The following CSMD1 variants were observed in gnomAD, a reference collection of about 807,000 sequenced individuals.
CSMD1 encodes CUB and Sushi multiple domains 1.
In CSMD1, 213 loss-of-function variants were observed where a neutral mutation model predicts 417.5. The observed-to-expected ratio is 0.51, with a 90% confidence interval of 0.46 to 0.57. CSMD1 has a LOEUF of 0.57. CSMD1 is among the 20% of genes least tolerant of loss of function. CSMD1 has a pLI of 0.00. For missense variants in CSMD1, 6,923 were observed against 4,529.7 expected, an observed-to-expected ratio of 1.53 and a Z score of -15.17; for synonymous variants, 2,862 against 1,736.8, an observed-to-expected ratio of 1.65 and a Z score of -16.11.
intron 1 of CSMD1, among the ~76,000 whole-genome samples, chr8:4,974,893 A>G (rs928092206): frequency 3.9e-5 from 6 of 152,238 alleles, no homozygotes; most frequent in Non-Finnish European, 8.8e-5. Context: ...ACACAAAAAA[A>G]CTATGATGGT....
intron 1 of CSMD1, among the ~76,000 whole-genome samples, chr8:4,734,731 C>T (rs945518992): frequency 6.6e-6 from 1 of 152,156 alleles, no homozygotes; most frequent in Admixed American, 6.5e-5. Context: ...TTTTCATAGG[C>T]AAATAAATTA....
chr8:3,429,503 G>A (rs764464310), intron 12 of CSMD1, among the ~76,000 whole-genome samples: 29 of 152,238 alleles, frequency 1.9e-4, no homozygotes, highest in Non-Finnish European at 3.4e-4. Flanking sequence ...CGCCCCTGCA[G>A]GGAAAAAGGC....
intron 5 of CSMD1, among the ~76,000 whole-genome samples, chr8:3,833,201 A>G (rs770776859): frequency 1.9e-4 from 29 of 152,272 alleles, no homozygotes; most frequent in Admixed American, 5.9e-4. Context: ...AGAATTTTTA[A>G]TCAAGAATTT....
intron 5 of CSMD1, among the ~76,000 whole-genome samples, chr8:3,884,433 G>C (rs903328639): frequency 2.6e-5 from 4 of 152,164 alleles, no homozygotes; most frequent in Non-Finnish European, 4.4e-5. Flanking sequence ...GACACAGAAA[G>C]ACACCAGAGA....
chr8:4,650,628 A>G (rs1002117073), intron 1 of CSMD1, among the ~76,000 whole-genome samples: 1 of 151,554 alleles, frequency 6.6e-6, no homozygotes, highest in Admixed American at 6.6e-5. Context: ...AAAGGAAGTG[A>G]CAGCCTTTCG....
At chr8:4,389,428 C>T (rs1035079175) in intron 3 of CSMD1, among the ~76,000 whole-genome samples, 7 of 152,084 alleles carry the variant, frequency 4.6e-5, no homozygotes, top group African/African-American at 1.4e-4. Flanking sequence ...GAAAATCTCA[C>T]ATAAACAAAA....
At chr8:4,346,038 T>C (rs1387368081) in intron 3 of CSMD1, among the ~76,000 whole-genome samples, 4 of 152,174 alleles carry the variant, frequency 2.6e-5, no homozygotes, top group African/African-American at 9.6e-5. Flanking sequence ...CTTATTATCA[T>C]ATCCAGATTG....
intron 5 of CSMD1, among the ~76,000 whole-genome samples, chr8:3,766,360 T>C (rs892582128): frequency 3.3e-5 from 5 of 152,174 alleles, no homozygotes; most frequent in African/African-American, 1.2e-4. Flanking sequence ...TGGATCCAAG[T>C]CAGTGACCTG....
chr8:3,631,083 T>G (rs1302403434), intron 7 of CSMD1, among the ~76,000 whole-genome samples: 1 of 152,146 alleles, frequency 6.6e-6, no homozygotes, highest in Non-Finnish European at 1.5e-5. Flanking sequence ...TTCAGCCAGG[T>G]CTTCCTGTCA....
chr8:4,620,069 C>T (rs1801684642), intron 2 of CSMD1, among the ~76,000 whole-genome samples: 1 of 151,820 alleles, frequency 6.6e-6, no homozygotes, highest in Non-Finnish European at 1.5e-5. Flanking sequence ...TTTATTAACA[C>T]AATAAATACT....
intron 3 of CSMD1, among the ~76,000 whole-genome samples, chr8:4,071,664 G>C (rs1335258482): frequency 6.6e-6 from 1 of 152,080 alleles, no homozygotes; most frequent in Non-Finnish European, 1.5e-5. Context: ...GTGATTAGTT[G>C]TTGTTTCTGG....
intron 1 of CSMD1, among the ~76,000 whole-genome samples, chr8:4,919,995 C>G (rs1001859408): frequency 6.6e-6 from 1 of 152,190 alleles, no homozygotes; most frequent in African/African-American, 2.4e-5. Context: ...ATGAGAAATA[C>G]ATTTCTGTTC....
intron 14 of CSMD1, among the ~76,000 whole-genome samples, chr8:3,407,308 A>G (rs1231203453): frequency 2.0e-5 from 3 of 151,966 alleles, no homozygotes; most frequent in African/African-American, 7.2e-5. Flanking sequence ...GATAGACGGA[A>G]TAATGGATGA....
At chr8:3,070,377 A>C (rs1264358675) in intron 49 of CSMD1, among the ~76,000 whole-genome samples, 1 of 152,228 alleles carries the variant, frequency 6.6e-6, no homozygotes, top group Admixed American at 6.5e-5. Context: ...CTTCCTGCTT[A>C]AATGTAAATT....
intron 5 of CSMD1, among the ~76,000 whole-genome samples, chr8:3,934,446 A>C (rs1374881290): frequency 6.6e-6 from 1 of 152,206 alleles, no homozygotes; most frequent in Non-Finnish European, 1.5e-5. Flanking sequence ...TTGTTCTCAT[A>C]ATTTTCAAAG....
intron 49 of CSMD1, among the ~76,000 whole-genome samples, chr8:3,078,189 G>C (rs1299595429): frequency 2.0e-5 from 3 of 152,154 alleles, no homozygotes; most frequent in African/African-American, 7.2e-5. Flanking sequence ...TGCATATTTT[G>C]TACAGTTCCT....
At chr8:4,033,249 G>C (rs984819866) in intron 3 of CSMD1, among the ~76,000 whole-genome samples, 9 of 151,528 alleles carry the variant, frequency 5.9e-5, no homozygotes, top group Non-Finnish European at 1.3e-4. Context: ...GACCATCCTG[G>C]CTAACACGGT....
In CSMD1 at chr8:3,140,343, C is replaced by G. The variant is rs1171520749; in HGVS notation, c.6241+2122G>C. ...TCTCTGATGTTCTCTCTCTCTCTCTCTCTCTGTCTCTCTCTCTCTGTTTTT... is the reference window on the plus strand; with the variant it reads ...TCTCTGATGTTCTCTCTCTCTCTCTGTCTCTGTCTCTCTCTCTCTGTTTTT... On this transcript the variant is annotated intron_variant, in intron 41 of 69. Coordinates refer to ENST00000635120, the MANE Select transcript of CSMD1 (RefSeq NM_033225.6). Among the ~76,000 whole-genome samples the G allele has an allele frequency of 5.4e-5, 6 of 111,036 alleles. No individual in the cohort carries two copies. The East Asian group carries it at 1.2e-3, about 22-fold the overall frequency. 72.8% of individuals were successfully genotyped at this position (111,036 alleles called of 152,430 possible).
At chr8:3,471,828 A>G (rs1392470259) in intron 11 of CSMD1, among the ~76,000 whole-genome samples, 1 of 152,218 alleles carries the variant, frequency 6.6e-6, no homozygotes, top group African/African-American at 2.4e-5. Flanking sequence ...GAAAGTAAAC[A>G]TACTGTTTTA....
Sources: gnomAD v4.1 joint callset for allele counts (sites outside exome capture counted in the v4.1 genomes callset) on GRCh38, gnomAD v4.1.1 for gene constraint, MANE v1.5 for transcripts, NCBI Gene and HGNC (gene_info 2026-07-23, HGNC 2026-07-21) for gene names.